Variants in ZHX2 observed in about 807,000 individuals in gnomAD.
The protein encoded by ZHX2 is zinc fingers and homeoboxes protein 2.
A neutral mutation model predicts 21.9 loss-of-function variants in ZHX2; 6 were observed. That is an observed-to-expected ratio of 0.27 (90% CI 0.15 to 0.54). ZHX2 has a LOEUF of 0.54. Ranked by LOEUF, ZHX2 falls within the 20% of genes least tolerant of loss-of-function variation. The pLI is 0.95. For synonymous variants in ZHX2, 434 were observed against 437.1 expected, an observed-to-expected ratio of 0.99 and a Z score of 0.09; for missense variants, 908 against 1,090.7, an observed-to-expected ratio of 0.83 and a Z score of 2.36.
At chr8:122,826,099 C>T (rs1038182540) in intron 1 of ZHX2, among the ~76,000 whole-genome samples, 1 of 152,204 alleles carries the variant, frequency 6.6e-6, no homozygotes, top group African/African-American at 2.4e-5. Context: ...TGGCATCAGC[C>T]CTATTTTCTT....
chr8:122,885,052 G>A (rs1819807297), intron 2 of ZHX2, among the ~76,000 whole-genome samples: 1 of 152,180 alleles, frequency 6.6e-6, no homozygotes, highest in African/African-American at 2.4e-5. Context: ...AAGAGGTGAC[G>A]ATGGCTTGGA....
intron 1 of ZHX2, among the ~76,000 whole-genome samples, chr8:122,860,369 T>C (rs1819134230): frequency 6.6e-6 from 1 of 152,154 alleles, no homozygotes; most frequent in Non-Finnish European, 1.5e-5. Flanking sequence ...TAACTTGCAT[T>C]ATGCAAGCAT....
At chr8:122,822,240 C>A (rs540787826) in intron 1 of ZHX2, among the ~76,000 whole-genome samples, 1 of 152,128 alleles carries the variant, frequency 6.6e-6, no homozygotes, top group Non-Finnish European at 1.5e-5. Flanking sequence ...GAAGGCCCAG[C>A]GAGTGAAGGG....
chr8:122,844,047 C>G (rs1221375288), intron 1 of ZHX2, among the ~76,000 whole-genome samples: 4 of 152,040 alleles, frequency 2.6e-5, no homozygotes, highest in Non-Finnish European at 5.9e-5. Flanking sequence ...TCAGGAAGTC[C>G]TTCAAGCCAC....
intron 2 of ZHX2, among the ~76,000 whole-genome samples, chr8:122,936,744 C>G (rs1812708295): frequency 6.6e-6 from 1 of 152,240 alleles, no homozygotes; most frequent in Non-Finnish European, 1.5e-5. Context: ...CTGCATCTCT[C>G]AACTCAGCCT....
intron 2 of ZHX2, among the ~76,000 whole-genome samples, chr8:122,945,017 C>T (rs1054150403): frequency 3.3e-5 from 5 of 152,236 alleles, no homozygotes; most frequent in African/African-American, 7.2e-5. Context: ...AGGAGGAAGA[C>T]GGTCATCTCC....
At chr8:122,884,031 A>G (rs542134813) in intron 2 of ZHX2, among the ~76,000 whole-genome samples, 1 of 152,366 alleles carries the variant, frequency 6.6e-6, no homozygotes, top group South Asian at 2.1e-4. Flanking sequence ...TGGTATAGCC[A>G]ACTACACACC....
chr8:122,951,855 T>C lies in ZHX2; in HGVS notation c.345T>C (p.Cys115=), dbSNP rs763727718. 6.2e-7 allele frequency: 1 copy of C among 1,614,138 alleles called. No individual in the cohort carries two copies. The highest frequency in any genetic ancestry group is 8.5e-7 in the Non-Finnish European group (1 of 1,180,028). ...ILNPLYVCAE[C]NFTTKKYDSL... is the part of the protein sequence containing the mutation. The stretch of plus-strand genomic sequence containing the variant: ...ACCCCCTCTACGTGTGTGCAGAATG[T>C]AACTTCACAACCAAAAAGTACGACT... Residue 115 remains cysteine, a synonymous_variant, in exon 3 of 4, where the codon TGT becomes TGC. Transcript: ENST00000314393.
At chr8:122,893,377 G>A (rs535254169) in intron 2 of ZHX2, among the ~76,000 whole-genome samples, 5 of 152,236 alleles carry the variant, frequency 3.3e-5, no homozygotes, top group African/African-American at 9.6e-5. Context: ...GACTTGGGAA[G>A]TTTTCATCTA....
At chr8:122,943,217 G>A (rs1011599538) in intron 2 of ZHX2, among the ~76,000 whole-genome samples, 9 of 151,740 alleles carry the variant, frequency 5.9e-5, no homozygotes, top group Admixed American at 4.6e-4. Context: ...AGCCAAGATC[G>A]CACCACTGCA....
At chr8:122,815,136 CCTGT>C (rs1818004740) in intron 1 of ZHX2, among the ~76,000 whole-genome samples, 1 of 152,178 alleles carries the variant, frequency 6.6e-6, no homozygotes, top group Non-Finnish European at 1.5e-5. Context: ...CTGTTTCAGA[CCTGT>C]CTTTCTGTTA....
intron 2 of ZHX2, among the ~76,000 whole-genome samples, chr8:122,904,466 A>G (rs1820300984): frequency 6.6e-6 from 1 of 152,182 alleles, no homozygotes; most frequent in Non-Finnish European, 1.5e-5. Context: ...ACCTGGCCTT[A>G]TCCACTCCCT....
chr8:122,862,318 A>G (rs1819187352), intron 1 of ZHX2, among the ~76,000 whole-genome samples: 1 of 152,260 alleles, frequency 6.6e-6, no homozygotes, highest in African/African-American at 2.4e-5. Context: ...ACCACTCACC[A>G]GGTCCACAGC....
chr8:122,972,944 G>A (rs1813762699), intron 3 of ZHX2, among the ~76,000 whole-genome samples: 1 of 152,204 alleles, frequency 6.6e-6, no homozygotes, highest in African/African-American at 2.4e-5. Context: ...GGTCTTGTAA[G>A]GATGAAAAGA....
chr8:122,885,065 A>G (rs1819807610), intron 2 of ZHX2, among the ~76,000 whole-genome samples: 1 of 152,232 alleles, frequency 6.6e-6, no homozygotes, highest in African/African-American at 2.4e-5. Flanking sequence ...GGCTTGGACC[A>G]GGGTTAGACA....
rs1819030767 is a variant in ZHX2, at chr8:122,856,640, G to C, written c.-282-6837G>C. 2.6e-5 allele frequency among the ~76,000 whole-genome samples: 4 copies of C among 152,242 alleles called. No individual in the cohort carries two copies. The South Asian group carries it at 8.3e-4, about 32-fold the overall frequency. ...CTCACATCTGCCAGCAGCCGTGTTGGAGCCAGAGTTCCCTGAGGCCTGGCA... is the reference window on the plus strand; with the variant it reads ...CTCACATCTGCCAGCAGCCGTGTTGCAGCCAGAGTTCCCTGAGGCCTGGCA... On this transcript the variant is annotated intron_variant, in intron 1 of 3. Coordinates refer to ENST00000314393, the MANE Select transcript of ZHX2 (RefSeq NM_014943.5).
chr8:122,909,017 A>G (rs1047049280), intron 2 of ZHX2, among the ~76,000 whole-genome samples: 1 of 152,214 alleles, frequency 6.6e-6, no homozygotes, highest in Non-Finnish European at 1.5e-5. Flanking sequence ...TAGAACTTCT[A>G]CCAGGTTCCA....
chr8:122,878,437 T>C (rs1819620484), intron 2 of ZHX2, among the ~76,000 whole-genome samples: 1 of 152,168 alleles, frequency 6.6e-6, no homozygotes, highest in Non-Finnish European at 1.5e-5. Flanking sequence ...TAGGGGGTTT[T>C]CTGGATGCTG....
chr8:122,903,076 C>T (rs1005743679), intron 2 of ZHX2, among the ~76,000 whole-genome samples: 1 of 152,208 alleles, frequency 6.6e-6, no homozygotes. Flanking sequence ...TCAGGACACT[C>T]CTCCTAGCTG....
Sources: allele counts gnomAD v4.1 joint callset (sites outside exome capture counted in the v4.1 genomes callset), GRCh38; gene constraint gnomAD v4.1.1; transcripts MANE v1.5; gene names NCBI Gene and HGNC (gene_info 2026-07-23, HGNC 2026-07-21).